Variants in VPS13D observed in about 807,000 individuals in gnomAD.
The protein encoded by VPS13D is vacuolar protein sorting 13 homolog D.
VPS13D carries 187 observed loss-of-function variants against 461.9 expected under a neutral mutation model. The observed-to-expected ratio is 0.40, with a 90% CI of 0.36 to 0.46. The LOEUF (loss-of-function observed/expected upper bound fraction) is 0.46, where lower values mean the gene tolerates loss of function less well. VPS13D is among the 20% of genes least tolerant of loss of function. VPS13D has a pLI of 0.60. For synonymous variants in VPS13D, 1,951 were observed against 1,986.3 expected (o/e 0.98, Z 0.47); for missense variants, 4,711 against 5,364.9 (o/e 0.88, Z 3.81).
intron 39 of VPS13D, 84 bp from the exon 40 acceptor site, chr1:12,338,147 A>G: frequency 1.6e-6 from 2 of 1,226,516 alleles, no homozygotes; most frequent in Non-Finnish European, 2.4e-6. Flanking sequence ...AATGTTCTCT[A>G]TTTGTGCTTA....
rs1442406417 is a variant in VPS13D, at chr1:12,349,042, T to A, written c.9220+69T>A. ...TTCTTGACTGTTGTCAAGTCTCTTT[T>A]TCCCCAGTGGTATCTTCCCCAGCAG... On this transcript the variant is annotated intron_variant, in intron 45 of 69. Transcript: ENST00000620676. 2.5e-6 allele frequency: 4 copies of A among 1,610,168 alleles called. No individual in the cohort carries two copies. In the African/African-American group the frequency reaches 4.0e-5, roughly 16 times the overall value.
chr1:12,399,558 G>A (rs558723434), intron 60 of VPS13D, among the ~76,000 whole-genome samples: 4 of 152,108 alleles, frequency 2.6e-5, no homozygotes, highest in African/African-American at 7.2e-5. Context: ...GGTGGCTCAC[G>A]CCTGTAATCC....
Position 12,299,067 on chromosome 1 carries a change from A to G in VPS13D, c.6034-135A>G. On this transcript the variant is annotated intron_variant, in intron 24 of 69. Transcript: ENST00000620676. This position sits in a 1 kb window ranked among gnomAD's most constrained non-coding sequence, Gnocchi z 4.2. ...TGTTACTGACTTCCAGTTTAACTCC[A>G]TGGTGGTCATAGAATATGCTCTGTA... The G allele has an allele frequency of 2.8e-6, 2 of 715,570 alleles. No individual in the cohort carries two copies. The highest frequency in any genetic ancestry group is 2.1e-6 in the Non-Finnish European group (1 of 477,994). The allele number at this position is 715,570 out of a possible 1,614,324, so 44.3% of individuals were successfully genotyped here.
intron 22 of VPS13D, among the ~76,000 whole-genome samples, chr1:12,290,550 G>A (rs749219132): frequency 1.3e-4 from 19 of 151,956 alleles, no homozygotes; most frequent in African/African-American, 3.1e-4. Flanking sequence ...GTGAAACCCC[G>A]TCTCTACTAA....
chr1:12,412,334 C>T (rs979414576), intron 63 of VPS13D, among the ~76,000 whole-genome samples: 9 of 152,262 alleles, frequency 5.9e-5, no homozygotes, highest in Admixed American at 2.0e-4. Context: ...AGTTGAAAAG[C>T]GCAAAGAGCA....
At chr1:12,349,406 T>C in intron 46 of VPS13D, 32 bp downstream of exon 46, 13 of 1,598,062 alleles carry the variant, frequency 8.1e-6, no homozygotes, top group Non-Finnish European at 1.1e-5. Flanking sequence ...ACATGTCACT[T>C]TTGCCTTTTT....
intron 65 of VPS13D, among the ~76,000 whole-genome samples, chr1:12,427,099 T>C (rs1432863991): frequency 6.6e-6 from 1 of 152,064 alleles, no homozygotes; most frequent in Non-Finnish European, 1.5e-5. Flanking sequence ...CAATATGATT[T>C]AGAGTTTCAT....
intron 65 of VPS13D, among the ~76,000 whole-genome samples, chr1:12,443,226 G>T (rs1645151364): frequency 6.6e-6 from 1 of 152,140 alleles, no homozygotes; most frequent in Non-Finnish European, 1.5e-5. Flanking sequence ...TCACATATAA[G>T]TCATACTGAA....
At position 12,443,082 on chromosome 1, in the gene VPS13D, C is replaced by T. The variant is rs573387071; in HGVS notation, c.12334-12916C>T. Among the ~76,000 whole-genome samples the T allele has an allele frequency of 1.4e-4, 21 of 152,348 alleles. No individual in the cohort carries two copies. The East Asian group carries it at 2.3e-3, about 17-fold the overall frequency. ...GTAGAATATACCAGTACTTTTCAAG[C>T]CTTCCAGGTGACATCTTCTTCCTTC... On this transcript the variant is annotated intron_variant, in intron 65 of 69. Transcript: ENST00000620676.
chr1:12,311,982 G>A lies in VPS13D; in HGVS notation c.6935+57G>A, dbSNP rs969307532. The A allele has an allele frequency of 8.4e-6, 12 of 1,421,732 alleles. No homozygotes were observed. In the Admixed American group the frequency reaches 1.5e-4, roughly 18 times the overall value. The allele number at this position is 1,421,732 out of a possible 1,614,324, so 88.1% of individuals were successfully genotyped here. A position where few individuals can be genotyped will look rare whatever the true frequency, so the allele number is the denominator to read the frequency against. ...GTAACAGTATCCAAATAATACACATGTTTTGCATTGACACAGAGCAGAGGT... is the reference window on the plus strand; with the variant it reads ...GTAACAGTATCCAAATAATACACATATTTTGCATTGACACAGAGCAGAGGT... On this transcript the variant is annotated intron_variant, in intron 29 of 69. Coordinates refer to ENST00000620676, the MANE Select transcript of VPS13D (RefSeq NM_015378.4).
At chr1:12,504,182 A>G (rs1448577383) in intron 68 of VPS13D, among the ~76,000 whole-genome samples, 1 of 152,150 alleles carries the variant, frequency 6.6e-6, no homozygotes, top group Non-Finnish European at 1.5e-5. Context: ...TAATAATAAT[A>G]ACGATGATGA....
At chr1:12,317,036 G>T (rs183211216) in intron 30 of VPS13D, among the ~76,000 whole-genome samples, 1 of 143,486 alleles carries the variant, frequency 7.0e-6, no homozygotes, top group Non-Finnish European at 1.5e-5. Flanking sequence ...GGTTACTTAG[G>T]GGACATTTAT....
At chr1:12,462,039 T>C (rs983986593) in intron 67 of VPS13D, among the ~76,000 whole-genome samples, 2 of 152,208 alleles carry the variant, frequency 1.3e-5, no homozygotes, top group African/African-American at 4.8e-5. Flanking sequence ...CATTTATTCA[T>C]TGCCTGTCAG....
chr1:12,338,145 C>G, intron 39 of VPS13D, 86 bp from the exon 40 acceptor site: 1 of 1,202,060 alleles, frequency 8.3e-7, no homozygotes. Context: ...GTAATGTTCT[C>G]TATTTGTGCT....
intron 65 of VPS13D, among the ~76,000 whole-genome samples, chr1:12,423,501 A>C (rs527294761): frequency 3.2e-4 from 49 of 152,364 alleles, no homozygotes; most frequent in African/African-American, 1.2e-3. Flanking sequence ...GCAAGTTGAG[A>C]CCGAGAAAAC....
At position 12,343,511 on chromosome 1, in the gene VPS13D, C is replaced by T. The variant is rs72866701; in HGVS notation, c.8885+460C>T. Among the ~76,000 whole-genome samples the T allele has an allele frequency of 4.7e-3, 712 of 152,020 alleles. 5 individuals carry two copies. Among genetic ancestry groups the T allele is most frequent in the African/African-American group, 0.016 (665 of 41,484 alleles). Reference sequence around the variant, plus strand: ...AATGTCTTCTTTTTAAAAGATATTTCGTAAATCAGTGTTTCCTTTTATTAT... The same window carrying T: ...AATGTCTTCTTTTTAAAAGATATTTTGTAAATCAGTGTTTCCTTTTATTAT... On this transcript the variant is annotated intron_variant, in intron 42 of 69. Coordinates refer to ENST00000620676, the MANE Select transcript of VPS13D (RefSeq NM_015378.4).
At chr1:12,438,736 C>T (rs536492369) in intron 65 of VPS13D, among the ~76,000 whole-genome samples, 3 of 152,306 alleles carry the variant, frequency 2.0e-5, no homozygotes, top group East Asian at 1.9e-4. Context: ...GACGCTTGCA[C>T]GTTAGAGCTG....
intron 43 of VPS13D, 134 bp downstream of exon 43, chr1:12,345,643 A>C: frequency 3.3e-6 from 4 of 1,218,520 alleles, no homozygotes; most frequent in East Asian, 2.4e-5. Flanking sequence ...TGGGTCAGTC[A>C]TAGGCATTGG....
chr1:12,308,026 G>A (rs983909443), intron 26 of VPS13D, among the ~76,000 whole-genome samples: 4 of 152,080 alleles, frequency 2.6e-5, no homozygotes, highest in African/African-American at 7.2e-5. Context: ...GGCAGTATTT[G>A]TTTGAAAAAA....
Sources: gnomAD v4.1 joint callset for allele counts (sites outside exome capture counted in the v4.1 genomes callset) on GRCh38, gnomAD v4.1.1 for gene constraint, Gnocchi (gnomAD v3.1) non-coding constraint, MANE v1.5 for transcripts, NCBI Gene and HGNC (gene_info 2026-07-23, HGNC 2026-07-21) for gene names.